The following ANKRD44 variants were observed in gnomAD, a reference collection of about 807,000 sequenced individuals.
ANKRD44 encodes serine/threonine-protein phosphatase 6 regulatory ankyrin repeat subunit B.
Under a neutral mutation model 116.0 loss-of-function variants are expected in ANKRD44, and 35 were observed. The observed-to-expected ratio is 0.30, with a 90% CI of 0.23 to 0.40. ANKRD44 has a LOEUF of 0.40. Among genes scored for constraint, ANKRD44 ranks in the 10% least tolerant of loss-of-function variants. The probability of loss-of-function intolerance (pLI) is 1.00; values close to 1 mark genes in which losing one functional copy is unlikely to be tolerated. For missense variants in ANKRD44, 1,014 were observed against 1,242.6 expected (o/e 0.82, Z 2.77); for synonymous variants, 435 against 461.8 (o/e 0.94, Z 0.74).
intron 16 of ANKRD44, among the ~76,000 whole-genome samples, chr2:197,050,721 C>T (rs1241670191): frequency 6.6e-6 from 1 of 152,124 alleles, no homozygotes; most frequent in African/African-American, 2.4e-5. Flanking sequence ...TCACGCCTGG[C>T]CTAAAATTCA....
intron 8 of ANKRD44, among the ~76,000 whole-genome samples, chr2:197,113,978 T>C (rs994709975): frequency 5.9e-5 from 9 of 152,118 alleles, no homozygotes; most frequent in African/African-American, 2.2e-4. Flanking sequence ...TTTGTTCACA[T>C]GGTATGGGTG....
At chr2:197,173,371 G>T (rs2080288293) in intron 2 of ANKRD44, among the ~76,000 whole-genome samples, 1 of 152,126 alleles carries the variant, frequency 6.6e-6, no homozygotes, top group South Asian at 2.1e-4. Context: ...CTTTTAATAG[G>T]AAGCTCACAA....
chr2:197,057,283 T>C (rs1450778576), intron 16 of ANKRD44, among the ~76,000 whole-genome samples: 2 of 152,190 alleles, frequency 1.3e-5, no homozygotes, highest in Admixed American at 6.5e-5. Flanking sequence ...TATGGTAAAA[T>C]ACCTTAATTT....
rs1368694420 is a variant in ANKRD44, at chr2:196,998,925, C to T, written c.2647G>A (p.Gly883Arg). 3 of 1,614,196 alleles carry T rather than the reference C, an allele frequency of 1.9e-6. No homozygotes were observed. The highest frequency in any genetic ancestry group is 2.5e-6 in the Non-Finnish European group (3 of 1,180,014). The change falls in exon 24 of 28, where the codon GGG becomes AGG. Residue 883 changes from glycine (G) to arginine (R), a missense_variant. Physicochemically the swap from Gly to Arg is moderately radical, Grantham distance 125. Transcript: ENST00000282272. ...CACATACCCACAGCGCCTGCCTGCCCATTCTCAGCAGCCATCATCAGTGCT... is the reference window on the plus strand; with the variant it reads ...CACATACCCACAGCGCCTGCCTGCCTATTCTCAGCAGCCATCATCAGTGCT... ...KTALMMAAENGQAGAVDILVN... is the reference protein window; with the variant it reads ...KTALMMAAENRQAGAVDILVN...
intron 1 of ANKRD44, among the ~76,000 whole-genome samples, chr2:197,227,485 C>T (rs139171459): frequency 6.6e-6 from 1 of 152,306 alleles, no homozygotes; most frequent in Non-Finnish European, 1.5e-5. Context: ...GTAAACACGA[C>T]TGAAGGTGTG....
intron 22 of ANKRD44, among the ~76,000 whole-genome samples, chr2:197,000,938 T>C (rs2076102809): frequency 6.6e-6 from 1 of 152,178 alleles, no homozygotes; most frequent in South Asian, 2.1e-4. Flanking sequence ...CTTGGGAAGC[T>C]GAGGCAGGAG....
chr2:197,278,637 C>A (rs755170887), intron 1 of ANKRD44, among the ~76,000 whole-genome samples: 3 of 152,214 alleles, frequency 2.0e-5, no homozygotes, highest in Admixed American at 6.5e-5. Flanking sequence ...CGCCCATCCA[C>A]AAAACTCACT....
intron 1 of ANKRD44, among the ~76,000 whole-genome samples, chr2:197,309,252 G>C (rs1375756090): frequency 6.6e-6 from 1 of 152,166 alleles, no homozygotes; most frequent in Non-Finnish European, 1.5e-5. Context: ...AGGAAATCCT[G>C]ATATCAACTT....
At chr2:197,108,743 C>T (rs1275152507) in intron 9 of ANKRD44, among the ~76,000 whole-genome samples, 1 of 152,146 alleles carries the variant, frequency 6.6e-6, no homozygotes, top group African/African-American at 2.4e-5. Flanking sequence ...GAGGCTGAGG[C>T]ACAAGAATCG....
intron 2 of ANKRD44, among the ~76,000 whole-genome samples, chr2:197,161,540 T>G (rs1020226662): frequency 6.6e-6 from 1 of 152,116 alleles, no homozygotes; most frequent in African/African-American, 2.4e-5. Context: ...CCTACAAAAA[T>G]CTCAAATACT....
intron 1 of ANKRD44, among the ~76,000 whole-genome samples, chr2:197,204,973 A>C (rs760615676): frequency 6.6e-6 from 1 of 152,244 alleles, no homozygotes; most frequent in Non-Finnish European, 1.5e-5. Flanking sequence ...GCAGCTGTCC[A>C]GCAAGAAACA....
intron 1 of ANKRD44, among the ~76,000 whole-genome samples, chr2:197,225,857 G>A (rs1182259114): frequency 2.0e-5 from 3 of 152,200 alleles, no homozygotes; most frequent in Admixed American, 6.5e-5. Flanking sequence ...CAAGCCAAAC[G>A]TTCTCTTCTA....
chr2:197,119,230 T>A (rs114242626), intron 8 of ANKRD44, among the ~76,000 whole-genome samples: 1,525 of 152,170 alleles, frequency 0.01, 11 homozygotes, highest in Middle Eastern at 0.041. Flanking sequence ...GCCTTTGGTG[T>A]TCTGTGACCG....
At chr2:197,118,554 C>A (rs2078766360) in intron 8 of ANKRD44, among the ~76,000 whole-genome samples, 2 of 151,504 alleles carry the variant, frequency 1.3e-5, no homozygotes, top group Admixed American at 1.3e-4. Flanking sequence ...CCTGCCATTG[C>A]ACTCTAGCCT....
chr2:196,967,234 T>C (rs1320246427), exon 22 of ANKRD44: 1 of 250,642 alleles, frequency 4.0e-6, no homozygotes, highest in Admixed American at 4.2e-5. Flanking sequence ...AGTATCTTGT[T>C]CCCAGTTGGA....
chr2:197,172,906 C>T (rs2080276354), intron 2 of ANKRD44, among the ~76,000 whole-genome samples: 1 of 152,130 alleles, frequency 6.6e-6, no homozygotes, highest in African/African-American at 2.4e-5. Context: ...CCTAGCACAG[C>T]ACCAGGAACA....
chr2:197,122,233 A>G (rs191365979), intron 7 of ANKRD44, among the ~76,000 whole-genome samples: 176 of 152,280 alleles, frequency 1.2e-3, no homozygotes, highest in African/African-American at 4.1e-3. Context: ...CTACCAGCAG[A>G]AAGAGAAGGC....
intron 18 of ANKRD44, among the ~76,000 whole-genome samples, chr2:197,009,410 C>T (rs2076256909): frequency 6.7e-6 from 1 of 149,918 alleles, no homozygotes; most frequent in African/African-American, 2.5e-5. Flanking sequence ...GAATCTCACT[C>T]TGTCGTCCAG....
chr2:197,013,508 T>C lies in ANKRD44; in HGVS notation c.1924+3A>G. On this transcript the variant is annotated splice_donor_region_variant and intron_variant, in intron 18 of 27. Coordinates refer to ENST00000282272, the MANE Select transcript of ANKRD44 (RefSeq NM_001195144.2). The stretch of plus-strand genomic sequence containing the variant: ...GGGTAATCAGGCCCTTGACAAGACC[T>C]ACCTGAGGCATGAAGTGGGGTTCTT... 2 of 1,614,156 alleles carry C rather than the reference T, an allele frequency of 1.2e-6. No homozygotes were observed. Among genetic ancestry groups the C allele is most frequent in the South Asian group, 2.2e-5 (2 of 91,082 alleles).
Sources: allele counts gnomAD v4.1 joint callset (sites outside exome capture counted in the v4.1 genomes callset), GRCh38; gene constraint gnomAD v4.1.1; transcripts MANE v1.5; gene names NCBI Gene and HGNC (gene_info 2026-07-23, HGNC 2026-07-21).